Variants in TMEM45A observed in about 807,000 individuals in gnomAD.
TMEM45A encodes the protein DNA polymerase-transactivated protein 4.
A neutral mutation model predicts 32.0 loss-of-function variants in TMEM45A; 25 were observed. That is an observed-to-expected ratio of 0.78 (90% CI 0.57 to 1.09). TMEM45A has a LOEUF of 1.09. TMEM45A is among the 50% of genes least tolerant of loss of function. The pLI, the probability that TMEM45A is intolerant of heterozygous loss-of-function variation, is 0.00. For missense variants in TMEM45A, 302 were observed against 325.0 expected (o/e 0.93, Z 0.54); for synonymous variants, 122 against 114.8 (o/e 1.06, Z -0.40).
intron 4 of TMEM45A, among the ~76,000 whole-genome samples, chr3:100,563,087 G>T (rs1706367146): frequency 6.6e-6 from 1 of 152,202 alleles, no homozygotes; most frequent in African/African-American, 2.4e-5. Flanking sequence ...GGCAGGGTTG[G>T]TTTTTTCTTG....
intron 4 of TMEM45A, among the ~76,000 whole-genome samples, chr3:100,559,598 A>C (rs1706288999): frequency 6.6e-6 from 1 of 152,096 alleles, no homozygotes; most frequent in South Asian, 2.1e-4. Flanking sequence ...ATAATTGGTG[A>C]ATTTAATTAT....
intron 1 of TMEM45A, among the ~76,000 whole-genome samples, chr3:100,539,438 T>TATATGCATATGC (rs1553682659): frequency 6.5e-4 from 71 of 108,950 alleles, no homozygotes; most frequent in African/African-American, 2.6e-3. Context: ...ATAGGATATG[T>TATATGCATATGC]ATATGTATAT....
At chr3:100,533,963 C>A (rs533767748) in intron 1 of TMEM45A, among the ~76,000 whole-genome samples, 1 of 152,192 alleles carries the variant, frequency 6.6e-6, no homozygotes, top group Admixed American at 6.5e-5. Flanking sequence ...TCCACTCAGA[C>A]TAATTGAAGG....
rs185382354 is a variant in TMEM45A, at chr3:100,539,647, C to G, written c.-3-15562C>G. Among the ~76,000 whole-genome samples, 77 of 152,140 alleles carry G rather than the reference C, an allele frequency of 5.1e-4. 2 individuals carry two copies. Among genetic ancestry groups the G allele is most frequent in the Non-Finnish European group, 2.6e-4 (18 of 67,984 alleles). On this transcript the variant is annotated intron_variant, in intron 1 of 5. Transcript: ENST00000323523. ...CCCTGAGGACCAGGAGCTCCTATGT[C>G]CAAGGGCAGGAGAAGACGGATGCCT...
intron 4 of TMEM45A, among the ~76,000 whole-genome samples, chr3:100,567,609 A>G (rs2148993525): frequency 6.6e-6 from 1 of 151,834 alleles, no homozygotes; most frequent in East Asian, 1.9e-4. Flanking sequence ...TGCCAGCTCA[A>G]CAGTATTAAG....
chr3:100,574,293 C>T (rs374876148), intron 5 of TMEM45A: 9 of 151,994 alleles, frequency 5.9e-5, no homozygotes, highest in Non-Finnish European at 2.9e-5. Context: ...ATCAAATAGA[C>T]GCAATAAAAA....
chr3:100,547,499 T>C (rs556777717), intron 1 of TMEM45A, among the ~76,000 whole-genome samples: 44 of 152,114 alleles, frequency 2.9e-4, no homozygotes, highest in Non-Finnish European at 5.0e-4. Context: ...ATAAAATATA[T>C]TTACTATTCA....
intron 1 of TMEM45A, among the ~76,000 whole-genome samples, chr3:100,497,828 T>A (rs1707951785): frequency 6.6e-6 from 1 of 152,230 alleles, no homozygotes; most frequent in South Asian, 2.1e-4. Flanking sequence ...ACTTAGGTTG[T>A]TTTCACCTGT....
chr3:100,545,937 G>T (rs1380491430), intron 1 of TMEM45A, among the ~76,000 whole-genome samples: 1 of 152,162 alleles, frequency 6.6e-6, no homozygotes, highest in Non-Finnish European at 1.5e-5. Flanking sequence ...TTAAATTAAT[G>T]ACATACAGTG....
chr3:100,560,178 A>G (rs1246404740), intron 4 of TMEM45A, among the ~76,000 whole-genome samples: 2 of 150,360 alleles, frequency 1.3e-5, no homozygotes, highest in Non-Finnish European at 3.0e-5. Flanking sequence ...GAAGTTTTAT[A>G]TTACAGGTCT....
chr3:100,567,518 C>CAAAAAAAAAAAAAAA (rs780009246), intron 4 of TMEM45A, among the ~76,000 whole-genome samples: 1 of 63,498 alleles, frequency 1.6e-5, no homozygotes, highest in Non-Finnish European at 3.0e-5. Flanking sequence ...ACCATTTCTG[C>CAAAAAAAAAAAAAAA]AAAAAAAAAA....
At chr3:100,515,517 T>C (rs535383528) in intron 1 of TMEM45A, among the ~76,000 whole-genome samples, 121 of 148,120 alleles carry the variant, frequency 8.2e-4, no homozygotes, top group African/African-American at 2.8e-3. Context: ...TTGGGAGATA[T>C]ACCTAATGCT....
chr3:100,516,035 T>C (rs949953047), intron 1 of TMEM45A, among the ~76,000 whole-genome samples: 1 of 152,174 alleles, frequency 6.6e-6, no homozygotes, highest in African/African-American at 2.4e-5. Context: ...GTTTCAGGGG[T>C]GATAGATATC....
intron 1 of TMEM45A, among the ~76,000 whole-genome samples, chr3:100,553,602 C>T (rs1368999988): frequency 6.6e-6 from 1 of 152,138 alleles, no homozygotes; most frequent in Admixed American, 6.5e-5. Flanking sequence ...AACTCAGCAA[C>T]ACTGTGATAA....
intron 1 of TMEM45A, among the ~76,000 whole-genome samples, chr3:100,537,975 T>C (rs142374159): frequency 1.8e-3 from 278 of 152,214 alleles, no homozygotes; most frequent in African/African-American, 6.1e-3. Flanking sequence ...GGTTTGGGAG[T>C]CCTGCCTTTG....
chr3:100,570,945 C>T (rs1706544644), intron 5 of TMEM45A: 3 of 152,106 alleles, frequency 2.0e-5, no homozygotes, highest in Admixed American at 1.3e-4. Context: ...CTAGCTCTTG[C>T]TCATCTCCCT....
intron 5 of TMEM45A, 99 bp downstream of exon 5, chr3:100,569,066 C>T: frequency 2.5e-6 from 3 of 1,220,946 alleles, no homozygotes; most frequent in Non-Finnish European, 3.5e-6. Context: ...GTATTTCATT[C>T]CTTATCATCC....
chr3:100,497,664 C>A (rs1051943662), intron 1 of TMEM45A, among the ~76,000 whole-genome samples: 6 of 152,100 alleles, frequency 3.9e-5, no homozygotes, highest in African/African-American at 7.2e-5. Flanking sequence ...AATATTTATT[C>A]TTTTATGTTT....
At chr3:100,525,298 A>T in intron 1 of TMEM45A, among the ~76,000 whole-genome samples, 1 of 152,298 alleles carries the variant, frequency 6.6e-6, no homozygotes, top group East Asian at 1.9e-4. Context: ...TTGGTTAAAT[A>T]AAATATATTA....
Sources: allele counts gnomAD v4.1 joint callset (sites outside exome capture counted in the v4.1 genomes callset), GRCh38; gene constraint gnomAD v4.1.1; transcripts MANE v1.5; gene names NCBI Gene and HGNC (gene_info 2026-07-23, HGNC 2026-07-21).